Variants in ATP7A observed in about 807,000 individuals in gnomAD.
The protein encoded by ATP7A is copper-transporting ATPase 1.
ATP7A carries 7 observed loss-of-function variants against 83.5 expected under a neutral mutation model. The observed-to-expected ratio is 0.08, with a 90% CI of 0.05 to 0.16. The LOEUF is 0.16. ATP7A is among the 10% of genes least tolerant of loss of function. ATP7A has a pLI of 1.00. For missense variants in ATP7A, 940 were observed against 1,120.8 expected (o/e 0.84, Z 2.30); for synonymous variants, 354 against 395.2 (o/e 0.90, Z 1.24).
chrX:77,975,481 CTTTTTTTTTTTTT>C (rs5902757), intron 2 of ATP7A: 1 of 54,799 alleles, frequency 1.8e-5, no homozygotes, highest in Non-Finnish European at 3.1e-5. Flanking sequence ...ATTATGCTTA[CTTTTTTTTTTTTT>C]TTTTTTTTTT....
intron 5 of ATP7A, 72 bp from the exon 6 acceptor site, chrX:78,003,000 TA>T (rs1490018350): frequency 6.9e-5 from 69 of 993,349 alleles, no homozygotes; most frequent in Non-Finnish European, 9.8e-5. Context: ...TTGATAATAC[TA>T]AGAAGTAATT....
intron 1 of ATP7A, among the ~76,000 whole-genome samples, chrX:77,933,381 T>C (rs1172648714): frequency 9.6e-6 from 1 of 103,642 alleles, no homozygotes; most frequent in African/African-American, 4.3e-5. Context: ...TTTTAACCAT[T>C]ATGCCTCCCT....
At chrX:77,997,195 A>G (rs2077709747) in intron 4 of ATP7A, among the ~76,000 whole-genome samples, 1 of 112,197 alleles carries the variant, frequency 8.9e-6, no homozygotes, top group Admixed American at 9.5e-5. Flanking sequence ...TTATTTTTTT[A>G]AAGTGTCCTT....
intron 1 of ATP7A, among the ~76,000 whole-genome samples, chrX:77,932,052 C>T (rs1403553883): frequency 9.0e-6 from 1 of 111,219 alleles, no homozygotes; most frequent in Non-Finnish European, 1.9e-5. Flanking sequence ...GGGCTGACCC[C>T]CACCTCCCTC....
intron 15 of ATP7A, among the ~76,000 whole-genome samples, chrX:78,029,926 T>G (rs781962155): frequency 8.9e-6 from 1 of 111,758 alleles, no homozygotes; most frequent in East Asian, 2.8e-4. Context: ...TATTAGGATT[T>G]CCATAATCAT....
At chrX:77,953,806 A>G (rs782544632) in intron 1 of ATP7A, among the ~76,000 whole-genome samples, 23 of 112,430 alleles carry the variant, frequency 2.0e-4, no homozygotes, top group African/African-American at 7.4e-4. Flanking sequence ...TTTTGAGGTT[A>G]TTGTTAGCTT....
At chrX:78,024,636 G>A (rs925091326) in intron 14 of ATP7A, among the ~76,000 whole-genome samples, 4 of 111,969 alleles carry the variant, frequency 3.6e-5, no homozygotes, top group Non-Finnish European at 7.5e-5. Flanking sequence ...GTCCCAGCAA[G>A]GAGGGACAGA....
chrX:77,993,912 AT>A (rs782194748), intron 4 of ATP7A, among the ~76,000 whole-genome samples: 2 of 111,005 alleles, frequency 1.8e-5, no homozygotes, highest in African/African-American at 3.3e-5. Flanking sequence ...AATAGCTAGC[AT>A]TTTTTTAGGA....
chrX:77,938,305 T>G (rs2077331891), intron 1 of ATP7A, among the ~76,000 whole-genome samples: 1 of 112,624 alleles, frequency 8.9e-6, no homozygotes, highest in African/African-American at 3.2e-5. Flanking sequence ...CTACTTAAGT[T>G]TCTCAGAATC....
At chrX:78,024,952 C>T (rs1557236180) in intron 14 of ATP7A, among the ~76,000 whole-genome samples, 2 of 111,370 alleles carry the variant, frequency 1.8e-5, no homozygotes, top group Non-Finnish European at 3.8e-5. Flanking sequence ...TGGTGTGTAT[C>T]CTGAACTGCA....
rs782335752 is a variant in ATP7A at position 78,042,524 on chromosome X, TC to T, written c.3802-60del. 2,384 of 1,096,670 alleles carry T rather than the reference TC, an allele frequency of 2.2e-3. 4 individuals are homozygous for T. Among genetic ancestry groups the T allele is most frequent in the Non-Finnish European group, 2.8e-3 (2,188 of 791,938 alleles). The allele number at this position is 1,096,670 out of a possible 1,213,427, so 90.4% of individuals were successfully genotyped here. A position where few individuals can be genotyped will look rare whatever the true frequency, so the allele number is the denominator to read the frequency against. ...GTGAAAACTGATGGCTTGTTATTGC[TC>T]AGTTATGTTTCACGTACTCATTATT... On this transcript the variant is annotated intron_variant, in intron 19 of 22. Coordinates refer to ENST00000341514, the MANE Select transcript of ATP7A (RefSeq NM_000052.7).
intron 2 of ATP7A, among the ~76,000 whole-genome samples, chrX:77,980,626 A>G (rs1413041575): frequency 9.0e-6 from 1 of 111,140 alleles, no homozygotes; most frequent in Non-Finnish European, 1.9e-5. Context: ...CAGTTGTCCT[A>G]TGTATATGTA....
chrX:77,956,251 A>G (rs1229384795), intron 1 of ATP7A, among the ~76,000 whole-genome samples: 5 of 111,577 alleles, frequency 4.5e-5, no homozygotes, highest in Admixed American at 3.8e-4. Flanking sequence ...CTAATTTACA[A>G]TCCCACCAAC....
chrX:78,008,207 C>A (rs1178262320), intron 6 of ATP7A, among the ~76,000 whole-genome samples: 2 of 111,948 alleles, frequency 1.8e-5, no homozygotes, highest in Non-Finnish European at 3.8e-5. Context: ...CACTGATATA[C>A]CTTCAGCAGA....
At chrX:78,005,598 A>C (rs2058591403) in intron 6 of ATP7A, among the ~76,000 whole-genome samples, 1 of 101,527 alleles carries the variant, frequency 9.8e-6, no homozygotes, top group Non-Finnish European at 2.0e-5. Context: ...CAGGAGAATC[A>C]CTTGAACCCG....
intron 1 of ATP7A, among the ~76,000 whole-genome samples, chrX:77,967,271 A>C (rs192112635): frequency 5.5e-4 from 62 of 111,887 alleles, no homozygotes; most frequent in African/African-American, 1.9e-3. Context: ...TGTACCCAGT[A>C]ATGGGGTTGC....
intron 1 of ATP7A, among the ~76,000 whole-genome samples, chrX:77,947,456 G>A (rs1477076586): frequency 1.3e-5 from 1 of 74,687 alleles, no homozygotes; most frequent in African/African-American, 6.6e-5. Flanking sequence ...TTTTTTTTTT[G>A]AGACAGAGTC....
chrX:77,977,117 A>G (rs1173846257), intron 2 of ATP7A, among the ~76,000 whole-genome samples: 1 of 112,461 alleles, frequency 8.9e-6, no homozygotes, highest in Admixed American at 9.5e-5. Context: ...AAAGTTAGGC[A>G]TATTTTGCAG....
intron 2 of ATP7A, among the ~76,000 whole-genome samples, chrX:77,985,390 G>T (rs781963577): frequency 9.2e-6 from 1 of 108,799 alleles, no homozygotes; most frequent in Non-Finnish European, 1.9e-5. Flanking sequence ...ACATTTTTGG[G>T]GGGGGTGGGT....
Sources: allele counts gnomAD v4.1 joint callset (sites outside exome capture counted in the v4.1 genomes callset), GRCh38; gene constraint gnomAD v4.1.1; transcripts MANE v1.5; gene names NCBI Gene and HGNC (gene_info 2026-07-23, HGNC 2026-07-21).